ERBB4: variants seen among roughly 807,000 people sequenced by gnomAD.
ERBB4 encodes the protein erb-b2 receptor tyrosine kinase 4.
A neutral mutation model predicts 158.0 loss-of-function variants in ERBB4; 42 were observed. That is an observed-to-expected ratio of 0.27 (90% CI 0.21 to 0.34). The LOEUF (loss-of-function observed/expected upper bound fraction) is 0.34, where lower values mean the gene tolerates loss of function less well. Ranked by LOEUF, ERBB4 falls within the 10% of genes least tolerant of loss-of-function variation. The probability of loss-of-function intolerance (pLI) is 1.00; values close to 1 mark genes in which losing one functional copy is unlikely to be tolerated. For missense variants in ERBB4, 1,333 were observed against 1,624.1 expected (o/e 0.82, Z 3.08); for synonymous variants, 583 against 558.7 (o/e 1.04, Z -0.61).
At chr2:211,466,948 T>C (rs1258290945) in intron 20 of ERBB4, among the ~76,000 whole-genome samples, 2 of 152,104 alleles carry the variant, frequency 1.3e-5, no homozygotes, top group African/African-American at 4.8e-5. Context: ...AGTGGCAATA[T>C]TGTAAAGCAA....
chr2:211,733,326 G>C (rs2074489524), intron 5 of ERBB4, among the ~76,000 whole-genome samples: 2 of 152,082 alleles, frequency 1.3e-5, no homozygotes, highest in South Asian at 4.1e-4. Context: ...AAATAATATT[G>C]CCTTGTTACG....
At chr2:212,419,913 C>G (rs1288297461) in intron 1 of ERBB4, among the ~76,000 whole-genome samples, 1 of 151,880 alleles carries the variant, frequency 6.6e-6, no homozygotes, top group Admixed American at 6.6e-5. Context: ...AAAATATAAT[C>G]TCTACTTGTT....
intron 4 of ERBB4, among the ~76,000 whole-genome samples, chr2:211,776,100 G>T (rs1160988654): frequency 6.6e-6 from 1 of 152,158 alleles, no homozygotes; most frequent in African/African-American, 2.4e-5. Flanking sequence ...CGACTTTAGG[G>T]CTAAGTGTAG....
intron 5 of ERBB4, among the ~76,000 whole-genome samples, chr2:211,743,963 A>AT (rs1295083294): frequency 6.6e-6 from 1 of 152,232 alleles, no homozygotes; most frequent in African/African-American, 2.4e-5. Context: ...ATTTAAGGAG[A>AT]ATAAATTCAT....
chr2:211,764,854 C>T (rs7570613), intron 4 of ERBB4, among the ~76,000 whole-genome samples: 120,230 of 152,122 alleles, frequency 0.79, 47,902 homozygotes, highest in African/African-American at 0.89. Context: ...GAAAGTTCAA[C>T]GGATTTTAGG....
At chr2:211,882,295 T>A (rs57164432) in intron 3 of ERBB4, among the ~76,000 whole-genome samples, 3 of 152,044 alleles carry the variant, frequency 2.0e-5, no homozygotes, top group African/African-American at 7.3e-5. Flanking sequence ...CCTCGGTTCT[T>A]TAGGGCTGGA....
intron 1 of ERBB4, among the ~76,000 whole-genome samples, chr2:212,528,980 C>A (rs1322427762): frequency 2.0e-5 from 3 of 152,116 alleles, no homozygotes; most frequent in Non-Finnish European, 4.4e-5. Context: ...ATGCCAGATT[C>A]TATCTGGAAC....
intron 1 of ERBB4, among the ~76,000 whole-genome samples, chr2:212,242,889 C>T (rs918526667): frequency 2.6e-5 from 4 of 152,102 alleles, no homozygotes; most frequent in African/African-American, 9.7e-5. Flanking sequence ...AGACCAAGTA[C>T]GGCTAAAGAA....
intron 1 of ERBB4, among the ~76,000 whole-genome samples, chr2:212,280,369 G>A (rs2085709241): frequency 6.6e-6 from 1 of 151,424 alleles, no homozygotes; most frequent in Non-Finnish European, 1.5e-5. Context: ...CTCCCCACTT[G>A]GAATGGTTAA....
At chr2:211,741,487 TGACA>T (rs2074795828) in intron 5 of ERBB4, among the ~76,000 whole-genome samples, 3 of 108,662 alleles carry the variant, frequency 2.8e-5, no homozygotes, top group Non-Finnish European at 4.0e-5. Flanking sequence ...ACACACTAGA[TGACA>T]GACAGATGAT....
chr2:211,700,038 C>G (rs1460557257), intron 12 of ERBB4, among the ~76,000 whole-genome samples: 1 of 151,620 alleles, frequency 6.6e-6, no homozygotes, highest in Non-Finnish European at 1.5e-5. Flanking sequence ...AATTTTTTTT[C>G]TGATTCTTTT....
chr2:212,142,060 C>G (rs1429319895), intron 1 of ERBB4, among the ~76,000 whole-genome samples: 1 of 152,078 alleles, frequency 6.6e-6, no homozygotes, highest in African/African-American at 2.4e-5. Flanking sequence ...GCCACAGGGG[C>G]CACCTTACTT....
intron 1 of ERBB4, among the ~76,000 whole-genome samples, chr2:212,151,242 G>A (rs1406067968): frequency 2.0e-5 from 3 of 151,046 alleles, no homozygotes; most frequent in African/African-American, 7.3e-5. Flanking sequence ...AAGCATTTTA[G>A]CTGTAGAATT....
intron 1 of ERBB4, among the ~76,000 whole-genome samples, chr2:212,466,769 G>C (rs775056224): frequency 1.4e-4 from 22 of 152,196 alleles, no homozygotes; most frequent in Non-Finnish European, 2.5e-4. Context: ...AAATGTGGAA[G>C]CCAATTTGGA....
At chr2:211,397,648 C>T (rs1374986282) in intron 25 of ERBB4, among the ~76,000 whole-genome samples, 1 of 152,144 alleles carries the variant, frequency 6.6e-6, no homozygotes, top group Non-Finnish European at 1.5e-5. Context: ...AATCTGATCT[C>T]AGTGTTTCCC....
intron 1 of ERBB4, among the ~76,000 whole-genome samples, chr2:212,354,537 C>G (rs2089390800): frequency 6.6e-6 from 1 of 152,142 alleles, no homozygotes; most frequent in Non-Finnish European, 1.5e-5. Flanking sequence ...TACACATACA[C>G]ACTAGGAAAT....
chr2:211,812,240 T>C (rs980943671), intron 3 of ERBB4, among the ~76,000 whole-genome samples: 1 of 152,256 alleles, frequency 6.6e-6, no homozygotes, highest in Non-Finnish European at 1.5e-5. Context: ...TTGATGTTGA[T>C]GCTATTCCTT....
At chr2:211,640,092 A>C (rs1490171715) in intron 16 of ERBB4, among the ~76,000 whole-genome samples, 1 of 151,888 alleles carries the variant, frequency 6.6e-6, no homozygotes, top group Non-Finnish European at 1.5e-5. Context: ...CTGTATATAA[A>C]GCATTTTTGA....
intron 20 of ERBB4, among the ~76,000 whole-genome samples, chr2:211,489,589 TATA>T (rs1036923640): frequency 2.0e-5 from 3 of 152,018 alleles, no homozygotes; most frequent in Non-Finnish European, 1.5e-5. Context: ...TTTATCATTA[TATA>T]ATGTCAACAA....
Sources: gnomAD v4.1 joint callset for allele counts (sites outside exome capture counted in the v4.1 genomes callset) on GRCh38, gnomAD v4.1.1 for gene constraint, MANE v1.5 for transcripts, NCBI Gene and HGNC (gene_info 2026-07-23, HGNC 2026-07-21) for gene names.